Variants in FSTL4 observed in about 807,000 individuals in gnomAD.
FSTL4 encodes the protein follistatin-related protein 4.
Under a neutral mutation model 78.2 loss-of-function variants are expected in FSTL4, and 28 were observed. The observed-to-expected ratio is 0.36, with a 90% CI of 0.27 to 0.49. FSTL4 has a LOEUF of 0.49. FSTL4 is among the 20% of genes least tolerant of loss of function. The pLI is 0.98. For synonymous variants in FSTL4, 422 were observed against 440.5 expected (o/e 0.96, Z 0.53); for missense variants, 922 against 1,084.9 (o/e 0.85, Z 2.11).
At chr5:133,740,992 G>T in the FSTL4 span, among the ~76,000 whole-genome samples, 1 of 151,916 alleles carries the variant, frequency 6.6e-6, no homozygotes, top group Non-Finnish European at 1.5e-5. Context: ...AGGGTGAATG[G>T]ATGAATGAAT....
intron 3 of FSTL4, among the ~76,000 whole-genome samples, chr5:133,472,721 A>G (rs771646363): frequency 3.3e-5 from 5 of 152,248 alleles, no homozygotes; most frequent in Non-Finnish European, 7.3e-5. Flanking sequence ...TTTGTCTTCA[A>G]CTTTCAGAAT....
At chr5:133,465,768 G>A (rs1757694884) in intron 3 of FSTL4, among the ~76,000 whole-genome samples, 1 of 152,246 alleles carries the variant, frequency 6.6e-6, no homozygotes, top group Non-Finnish European at 1.5e-5. Flanking sequence ...GAGGGTCAGT[G>A]CTGTCTAAGG....
At chr5:133,664,065 C>T in the FSTL4 span, among the ~76,000 whole-genome samples, 5 of 152,190 alleles carry the variant, frequency 3.3e-5, no homozygotes, top group South Asian at 2.1e-4. Flanking sequence ...ATCTGCAGGC[C>T]GCAGCTACAT....
chr5:133,281,876 C>T (rs1446941995), intron 6 of FSTL4, among the ~76,000 whole-genome samples: 2 of 152,104 alleles, frequency 1.3e-5, no homozygotes, highest in Non-Finnish European at 2.9e-5. Context: ...GCTGAAATTT[C>T]ACTAGATGAG....
the FSTL4 span, among the ~76,000 whole-genome samples, chr5:133,757,308 C>T: frequency 6.6e-6 from 1 of 152,154 alleles, no homozygotes; most frequent in Non-Finnish European, 1.5e-5. Flanking sequence ...AAACATTTAT[C>T]AATGAATATT....
chr5:133,340,699 ACTT>A (rs1286639398), intron 4 of FSTL4, among the ~76,000 whole-genome samples: 5 of 152,102 alleles, frequency 3.3e-5, no homozygotes, highest in African/African-American at 1.2e-4. Context: ...TGATGGGAAA[ACTT>A]CTGGCCCTAG....
At chr5:133,773,439 G>A in the FSTL4 span, among the ~76,000 whole-genome samples, 6 of 152,178 alleles carry the variant, frequency 3.9e-5, no homozygotes, top group Admixed American at 3.9e-4. Context: ...CAGCCAACAG[G>A]AGGCACCAGG....
the FSTL4 span, among the ~76,000 whole-genome samples, chr5:133,672,513 T>A: frequency 6.6e-6 from 1 of 152,270 alleles, no homozygotes. Context: ...ATGCTCTTAT[T>A]CATGAATGTA....
At chr5:133,222,645 C>G (rs1330676776) in intron 11 of FSTL4, among the ~76,000 whole-genome samples, 1 of 152,190 alleles carries the variant, frequency 6.6e-6, no homozygotes, top group East Asian at 1.9e-4. Context: ...GTACCTTGGC[C>G]TTGCTCACAG....
chr5:133,457,726 C>G (rs567677566), intron 3 of FSTL4: 11 of 152,406 alleles, frequency 7.2e-5, no homozygotes, highest in South Asian at 2.1e-4. Context: ...CATTGCCCCA[C>G]TTGGTGTAAC....
the FSTL4 span, among the ~76,000 whole-genome samples, chr5:133,638,004 A>C: frequency 6.6e-6 from 1 of 151,840 alleles, no homozygotes; most frequent in South Asian, 2.1e-4. Flanking sequence ...TCAAATCTGA[A>C]TTTCTGATCT....
At chr5:133,379,409 A>G (rs949306026) in intron 4 of FSTL4, among the ~76,000 whole-genome samples, 2 of 152,082 alleles carry the variant, frequency 1.3e-5, no homozygotes, top group African/African-American at 4.8e-5. Context: ...AACCTACTAG[A>G]TCCCGCTGGA....
intron 4 of FSTL4, among the ~76,000 whole-genome samples, chr5:133,337,518 G>A (rs115627102): frequency 0.017 from 2,584 of 152,288 alleles, 22 homozygotes; most frequent in Middle Eastern, 0.041. Context: ...GCAAAGCGCC[G>A]TGATTATAGC....
At chr5:133,781,714 A>AC in the FSTL4 span, among the ~76,000 whole-genome samples, 1 of 151,816 alleles carries the variant, frequency 6.6e-6, no homozygotes, top group East Asian at 1.9e-4. Flanking sequence ...ACACATGTGC[A>AC]CCCCCGCCCC....
intron 2 of FSTL4, among the ~76,000 whole-genome samples, chr5:133,590,908 C>A (rs1760610359): frequency 6.6e-6 from 1 of 152,192 alleles, no homozygotes; most frequent in African/African-American, 2.4e-5. Flanking sequence ...AGCAAGAGAT[C>A]CAATTCCCAG....
chr5:133,376,844 G>A (rs1755445815), intron 4 of FSTL4, among the ~76,000 whole-genome samples: 1 of 148,314 alleles, frequency 6.7e-6, no homozygotes, highest in African/African-American at 2.5e-5. Context: ...AGCCGAGATT[G>A]TGCCATTGCA....
intron 2 of FSTL4, chr5:133,575,436 T>A (rs575792897): frequency 9.4e-5 from 6 of 64,154 alleles, no homozygotes; most frequent in Admixed American, 1.9e-4. Flanking sequence ...GTTGTGATGA[T>A]CAAATGAAAT....
chr5:133,383,090 C>G (rs1385519244), intron 4 of FSTL4, among the ~76,000 whole-genome samples: 1 of 152,170 alleles, frequency 6.6e-6, no homozygotes, highest in African/African-American at 2.4e-5. Context: ...GCATGACCAG[C>G]TACTCCCCAG....
At chr5:133,647,920 T>C in the FSTL4 span, among the ~76,000 whole-genome samples, 99 of 152,276 alleles carry the variant, frequency 6.5e-4, 4 homozygotes, top group Admixed American at 4.1e-3. Context: ...AATTGAATCA[T>C]GGATGCAGGT....
Sources: gnomAD v4.1 joint callset for allele counts (sites outside exome capture counted in the v4.1 genomes callset) on GRCh38, gnomAD v4.1.1 for gene constraint, MANE v1.5 for transcripts, NCBI Gene and HGNC (gene_info 2026-07-23, HGNC 2026-07-21) for gene names.